Variants in CNTNAP4 observed in about 807,000 individuals in gnomAD.
CNTNAP4 encodes the protein contactin associated protein family member 4, also known as contactin-associated protein-like 4.
In CNTNAP4, 98 loss-of-function variants were observed where a neutral mutation model predicts 148.4. That is an observed-to-expected ratio of 0.66 (90% CI 0.56 to 0.78). CNTNAP4 has a LOEUF of 0.78. CNTNAP4 is among the 30% of genes least tolerant of loss of function. The pLI is 0.00. For missense variants in CNTNAP4, 1,935 were observed against 1,565.6 expected (o/e 1.24, Z -3.98); for synonymous variants, 730 against 565.1 (o/e 1.29, Z -4.14).
At position 76,475,978 on chromosome 16, in the gene CNTNAP4, C is replaced by T; in HGVS notation, c.1695C>T (p.Ser565=). The change falls in exon 11 of 24, where the codon TCC becomes TCT. Residue 565 remains serine (S), a synonymous_variant. Transcript: ENST00000611870. ...PNYCEHGGEC[S]QSWSTFHCNC... is the part of the protein sequence containing the mutation. ...ATTGTGAACACGGTGGGGAGTGTTC[C>T]CAGTCCTGGAGCACCTTTCATTGTA... 6.2e-7 allele frequency: 1 copy of T among 1,613,816 alleles called. No individual in the cohort carries two copies. The highest frequency in any genetic ancestry group is 1.3e-5 in the African/African-American group (1 of 75,000).
chr16:76,379,353 T>C (rs2015740832), intron 3 of CNTNAP4, among the ~76,000 whole-genome samples: 1 of 152,184 alleles, frequency 6.6e-6, no homozygotes, highest in South Asian at 2.1e-4. Flanking sequence ...GGTTAGGTAG[T>C]TTTCCTCTAC....
intron 2 of CNTNAP4, among the ~76,000 whole-genome samples, chr16:76,330,356 C>A (rs1285465155): frequency 1.3e-5 from 2 of 152,084 alleles, no homozygotes; most frequent in Non-Finnish European, 2.9e-5. Flanking sequence ...TCTTTGATTT[C>A]TATGCAAGGT....
chr16:76,381,696 C>T (rs756067893), intron 3 of CNTNAP4, among the ~76,000 whole-genome samples: 2 of 152,048 alleles, frequency 1.3e-5, no homozygotes, highest in Non-Finnish European at 2.9e-5. Flanking sequence ...ATAAAGGGAA[C>T]GGAGATATGC....
intron 1 of CNTNAP4, among the ~76,000 whole-genome samples, chr16:76,312,105 C>CT (rs1961188577): frequency 6.6e-6 from 1 of 152,134 alleles, no homozygotes; most frequent in Non-Finnish European, 1.5e-5. Flanking sequence ...TTCTGAGTTG[C>CT]TTTACCAGAT....
intron 1 of CNTNAP4, among the ~76,000 whole-genome samples, chr16:76,305,679 TTTG>T (rs1350014889): frequency 9.9e-5 from 15 of 152,056 alleles, no homozygotes; most frequent in Admixed American, 2.6e-4. Flanking sequence ...ATCATTCGTT[TTTG>T]TTGTTGTTTT....
chr16:76,367,630 A>C (rs964078486), intron 3 of CNTNAP4, among the ~76,000 whole-genome samples: 1 of 152,228 alleles, frequency 6.6e-6, no homozygotes, highest in Non-Finnish European at 1.5e-5. Context: ...AATAAAGGGC[A>C]GGCAACCACA....
chr16:76,483,083 A>G (rs528509362), intron 12 of CNTNAP4, among the ~76,000 whole-genome samples: 46 of 152,258 alleles, frequency 3.0e-4, no homozygotes, highest in African/African-American at 1.0e-3. Flanking sequence ...AGTGAGATTT[A>G]TGTAACAATC....
intron 16 of CNTNAP4, 122 bp downstream of exon 16, chr16:76,521,432 G>A (rs2083449664): frequency 2.8e-6 from 2 of 712,564 alleles, no homozygotes; most frequent in Non-Finnish European, 4.3e-6. Context: ...GCGCCCCTTT[G>A]AAAAACTCAA....
At chr16:76,532,622 T>C (rs1420662742) in intron 17 of CNTNAP4, among the ~76,000 whole-genome samples, 20 of 152,334 alleles carry the variant, frequency 1.3e-4, no homozygotes, top group Non-Finnish European at 2.9e-5. Context: ...TGTGGGATAA[T>C]ACAAAGTAAA....
intron 15 of CNTNAP4, among the ~76,000 whole-genome samples, chr16:76,513,439 C>T (rs1281637103): frequency 1.3e-5 from 2 of 152,114 alleles, no homozygotes; most frequent in African/African-American, 4.8e-5. Context: ...CGTGTACTTA[C>T]CTGTAGTGTT....
intron 2 of CNTNAP4, among the ~76,000 whole-genome samples, chr16:76,347,555 C>G (rs1965011087): frequency 6.6e-6 from 1 of 152,076 alleles, no homozygotes; most frequent in South Asian, 2.1e-4. Flanking sequence ...CAGGGGAAGA[C>G]AAATGGGAGT....
rs778218640 is a variant in CNTNAP4, at chr16:76,498,635, C to G, written c.2306C>G (p.Thr769Arg). Residue 769 changes from threonine to arginine, a missense_variant, in exon 15 of 24, where the codon ACA (threonine) becomes AGA (arginine). By Grantham distance (71) the Thr-to-Arg change is moderately conservative. Transcript: ENST00000611870. ...GTAACTAAGATCGTGATTACAGACACAGGCCGACTGCATTCAGAAGCAGCT... is the reference window on the plus strand; with the variant it reads ...GTAACTAAGATCGTGATTACAGACAGAGGCCGACTGCATTCAGAAGCAGCT... ...LPVTKIVITD[T>R]GRLHSEAAYK... 6.2e-7 allele frequency: 1 copy of G among 1,612,832 alleles called. No homozygotes were observed. Among genetic ancestry groups the G allele is most frequent in the African/African-American group, 1.3e-5 (1 of 74,894 alleles).
intron 2 of CNTNAP4, among the ~76,000 whole-genome samples, chr16:76,318,782 ATAAT>A (rs1465025626): frequency 2.2e-4 from 33 of 148,878 alleles, no homozygotes; most frequent in East Asian, 3.9e-4. Flanking sequence ...CATAATCATA[ATAAT>A]TAATAATTAT....
chr16:76,522,156 TGAA>T lies in CNTNAP4; in HGVS notation c.2656_2658del (p.Lys886del). The T allele has an allele frequency of 6.2e-7, 1 of 1,613,974 alleles. No individual in the cohort carries two copies. On this transcript the variant is annotated inframe_deletion, in exon 17 of 24. Transcript: ENST00000611870. The stretch of plus-strand genomic sequence containing the variant: ...CACCATGTGAGGGTTGAAAGGAACA[TGAA>T]GGAGGCCTCCCTTCAAGTGGATCAG...
At chr16:76,419,561 A>C (rs193128560) in intron 3 of CNTNAP4, among the ~76,000 whole-genome samples, 1 of 151,898 alleles carries the variant, frequency 6.6e-6, no homozygotes, top group Non-Finnish European at 1.5e-5. Flanking sequence ...ATTATCATAG[A>C]AGTTTTCCTG....
intron 12 of CNTNAP4, among the ~76,000 whole-genome samples, chr16:76,485,375 C>A (rs28418796): frequency 0.022 from 3,385 of 152,272 alleles, 102 homozygotes; most frequent in African/African-American, 0.073. Flanking sequence ...CCTCAGCCTC[C>A]CAAAGTGCTG....
intron 3 of CNTNAP4, among the ~76,000 whole-genome samples, chr16:76,368,858 G>C (rs938769539): frequency 2.0e-5 from 3 of 151,904 alleles, no homozygotes; most frequent in African/African-American, 4.8e-5. Flanking sequence ...TAAAAATAAA[G>C]CTCCTCAGTT....
chr16:76,295,555 C>T (rs1343048009), intron 1 of CNTNAP4, among the ~76,000 whole-genome samples: 1 of 151,920 alleles, frequency 6.6e-6, no homozygotes, highest in Non-Finnish European at 1.5e-5. Context: ...TGAACTAACT[C>T]CTGTAAAAAG....
chr16:76,403,223 G>A (rs529113393), intron 3 of CNTNAP4, among the ~76,000 whole-genome samples: 1 of 151,996 alleles, frequency 6.6e-6, no homozygotes, highest in African/African-American at 2.4e-5. Context: ...CTCCTGAGTA[G>A]CTGGGACTAC....
Sources: allele counts gnomAD v4.1 joint callset (sites outside exome capture counted in the v4.1 genomes callset), GRCh38; gene constraint gnomAD v4.1.1; transcripts MANE v1.5; gene names NCBI Gene and HGNC (gene_info 2026-07-23, HGNC 2026-07-21).